The following LDLRAD4 variants were observed in gnomAD, a reference collection of about 807,000 sequenced individuals.
LDLRAD4 encodes the protein low density lipoprotein receptor class A domain containing 4, also known as low-density lipoprotein receptor class A domain-containing protein 4.
Under a neutral mutation model 17.0 loss-of-function variants are expected in LDLRAD4, and 5 were observed. That is an observed-to-expected ratio of 0.29 (90% CI 0.15 to 0.62). The LOEUF is 0.62. LDLRAD4 is among the 20% of genes least tolerant of loss of function. LDLRAD4 has a pLI of 0.84. For missense variants in LDLRAD4, 340 were observed against 424.7 expected (o/e 0.80, Z 1.75); for synonymous variants, 168 against 171.8 (o/e 0.98, Z 0.17).
rs192221940 is a variant in LDLRAD4, at chr18:13,425,290, G to T, written c.41-12954G>T. ...GTGGAGAAGGCCCCATTTATCAATA[G>T]GTAGCTTTGTTATACTTAAATATAA... On this transcript the variant is annotated intron_variant, in intron 2 of 5. Coordinates refer to ENST00000359446, the Ensembl canonical transcript of LDLRAD4. Among the ~76,000 whole-genome samples, 687 of 152,222 alleles carry T rather than the reference G, an allele frequency of 4.5e-3. 5 individuals carry two copies. Among genetic ancestry groups the T allele is most frequent in the African/African-American group, 0.016 (656 of 41,512 alleles).
intron 3 of LDLRAD4, among the ~76,000 whole-genome samples, chr18:13,586,907 T>C (rs1192694165): frequency 6.6e-6 from 1 of 150,652 alleles, no homozygotes. Context: ...GATCAGTATG[T>C]GTATGCACCC....
intron 1 of LDLRAD4, among the ~76,000 whole-genome samples, chr18:13,361,093 A>G (rs115249793): frequency 0.011 from 1,634 of 152,326 alleles, 32 homozygotes; most frequent in African/African-American, 0.037. Flanking sequence ...TGCAGAGCCC[A>G]TCACTCATCA....
chr18:13,273,633 C>T (rs2044689201), upstream of LDLRAD4, among the ~76,000 whole-genome samples: 2 of 152,174 alleles, frequency 1.3e-5, no homozygotes, highest in South Asian at 4.1e-4. Context: ...ACCCAGCCAC[C>T]AGCTGGAGTG....
At chr18:13,531,528 T>G (rs974418890) in intron 3 of LDLRAD4, among the ~76,000 whole-genome samples, 2 of 144,612 alleles carry the variant, frequency 1.4e-5, no homozygotes, top group African/African-American at 2.5e-5. Flanking sequence ...AGTTCAAGGC[T>G]CCAGTGAGAT....
chr18:13,256,955 C>T (rs1009909467), intron 1 of LDLRAD4, among the ~76,000 whole-genome samples: 1 of 152,232 alleles, frequency 6.6e-6, no homozygotes, highest in Non-Finnish European at 1.5e-5. Flanking sequence ...TGTCTGTTTT[C>T]TTTTCCTTAA....
At chr18:13,525,059 T>G (rs188275298) in intron 3 of LDLRAD4, among the ~76,000 whole-genome samples, 161 of 152,352 alleles carry the variant, frequency 1.1e-3, no homozygotes, top group African/African-American at 3.7e-3. Context: ...GTGTGCGTGC[T>G]TGCGGGCAGG....
chr18:13,479,459 A>G (rs9958612), intron 3 of LDLRAD4, among the ~76,000 whole-genome samples: 8,538 of 152,182 alleles, frequency 0.056, 826 homozygotes, highest in African/African-American at 0.19. Flanking sequence ...CATCTCTACT[A>G]AAAATACAAA....
chr18:13,593,223 G>A (rs1809700809), intron 3 of LDLRAD4, among the ~76,000 whole-genome samples: 1 of 152,192 alleles, frequency 6.6e-6, no homozygotes, highest in Non-Finnish European at 1.5e-5. Context: ...TGAGGCAGAA[G>A]AATTACTTGA....
At chr18:13,545,108 G>A (rs929334699) in intron 3 of LDLRAD4, among the ~76,000 whole-genome samples, 27 of 152,126 alleles carry the variant, frequency 1.8e-4, no homozygotes, top group Non-Finnish European at 2.6e-4. Flanking sequence ...CTGAGAGAGT[G>A]GGGTGGTGTT....
chr18:13,446,255 T>C (rs1169714240), intron 3 of LDLRAD4, among the ~76,000 whole-genome samples: 1 of 152,192 alleles, frequency 6.6e-6, no homozygotes, highest in Non-Finnish European at 1.5e-5. Flanking sequence ...GGCGTGCCGC[T>C]GCTGGGGTGT....
chr18:13,380,521 T>G (rs905381663), intron 1 of LDLRAD4, among the ~76,000 whole-genome samples: 9 of 152,182 alleles, frequency 5.9e-5, no homozygotes, highest in African/African-American at 1.9e-4. Flanking sequence ...GTCGGATATA[T>G]GACTCCTTGC....
At chr18:13,245,912 G>A (rs1044065770) in intron 1 of LDLRAD4, among the ~76,000 whole-genome samples, 2 of 152,226 alleles carry the variant, frequency 1.3e-5, no homozygotes, top group African/African-American at 4.8e-5. Flanking sequence ...TGCTGAGCCC[G>A]TGTCTTGCAC....
chr18:13,405,810 GGCCC>G (rs1205307561), intron 2 of LDLRAD4, among the ~76,000 whole-genome samples: 1 of 152,102 alleles, frequency 6.6e-6, no homozygotes, highest in African/African-American at 2.4e-5. Flanking sequence ...TGGCGTGCAG[GGCCC>G]TGTCCTGCTC....
At position 13,629,615 on chromosome 18, in the gene LDLRAD4, A is replaced by G. The variant is rs539698823; in HGVS notation, c.336+8344A>G. ...AGTAATTCATTTGAACATGGTTTCT[A>G]TGGTGGCTAAAATAATAATTTTAAA... On this transcript the variant is annotated intron_variant, in intron 4 of 5. Coordinates refer to ENST00000359446, the Ensembl canonical transcript of LDLRAD4. Among the ~76,000 whole-genome samples the G allele has an allele frequency of 1.7e-4, 26 of 152,348 alleles. No homozygotes were observed. The South Asian group carries it at 4.1e-3, about 24-fold the overall frequency.
intron 1 of LDLRAD4, among the ~76,000 whole-genome samples, chr18:13,222,187 TC>T (rs1028430675): frequency 2.0e-5 from 3 of 152,020 alleles, no homozygotes; most frequent in Admixed American, 2.0e-4. Context: ...ACAACGTCAC[TC>T]CCCCCATCCA....
chr18:13,612,381 G>A, intron 3 of LDLRAD4: 1 of 1,175,822 alleles, frequency 8.5e-7, no homozygotes, highest in Non-Finnish European at 1.1e-6. Context: ...TTCTCTGCTC[G>A]GTGACACGGC....
chr18:13,613,618 G>C (rs1173805510), intron 3 of LDLRAD4: 1 of 152,262 alleles, frequency 6.6e-6, no homozygotes, highest in African/African-American at 2.4e-5. Context: ...AAGAGATCAT[G>C]AAACTCTAGA....
intron 3 of LDLRAD4, chr18:13,613,027 A>G: frequency 2.4e-6 from 1 of 423,928 alleles, no homozygotes; most frequent in South Asian, 3.7e-5. Flanking sequence ...GTTATGCATG[A>G]GTACACAGTT....
At chr18:13,624,349 G>C (rs1037419338) in intron 4 of LDLRAD4, among the ~76,000 whole-genome samples, 4 of 152,254 alleles carry the variant, frequency 2.6e-5, no homozygotes, top group African/African-American at 9.6e-5. Flanking sequence ...CTTGGGAACA[G>C]TTTCCCCAGT....
Sources: allele counts gnomAD v4.1 joint callset (sites outside exome capture counted in the v4.1 genomes callset), GRCh38; gene constraint gnomAD v4.1.1; transcripts MANE v1.5; gene names NCBI Gene and HGNC (gene_info 2026-07-23, HGNC 2026-07-21).